The following KIFAP3 variants were observed in gnomAD, a reference collection of about 807,000 sequenced individuals.
KIFAP3 encodes the protein kinesin associated protein 3.
A neutral mutation model predicts 106.5 loss-of-function variants in KIFAP3; 68 were observed. That is an observed-to-expected ratio of 0.64 (90% CI 0.53 to 0.78). The LOEUF (loss-of-function observed/expected upper bound fraction) is 0.78. Among genes scored for constraint, KIFAP3 ranks in the 30% least tolerant of loss-of-function variants. KIFAP3 has a pLI of 0.00. For synonymous variants in KIFAP3, 320 were observed against 311.5 expected (o/e 1.03, Z -0.29); for missense variants, 780 against 941.8 (o/e 0.83, Z 2.25).
chr1:169,953,416 CAG>C (rs1041952550), intron 19 of KIFAP3, among the ~76,000 whole-genome samples: 4 of 151,982 alleles, frequency 2.6e-5, no homozygotes, highest in African/African-American at 9.7e-5. Flanking sequence ...GGAAAACACT[CAG>C]AAACAATCTG....
At chr1:170,072,324 T>C (rs1671745749) in intron 1 of KIFAP3, among the ~76,000 whole-genome samples, 1 of 152,220 alleles carries the variant, frequency 6.6e-6, no homozygotes, top group South Asian at 2.1e-4. Flanking sequence ...ACATAGCACC[T>C]ACCTTTATGA....
intron 11 of KIFAP3, among the ~76,000 whole-genome samples, chr1:169,986,691 CTA>C (rs1666844430): frequency 6.6e-6 from 1 of 151,882 alleles, no homozygotes; most frequent in Admixed American, 6.6e-5. Context: ...TAATTAATTG[CTA>C]TGTTTTCTAA....
chr1:169,976,442 T>C (rs1227738180), intron 16 of KIFAP3, among the ~76,000 whole-genome samples: 2 of 152,086 alleles, frequency 1.3e-5, no homozygotes, highest in African/African-American at 4.8e-5. Context: ...TTTTTTTTCA[T>C]TAAGCAGCTG....
chr1:170,061,315 AG>A (rs1671140562), intron 1 of KIFAP3, among the ~76,000 whole-genome samples: 1 of 138,712 alleles, frequency 7.2e-6, no homozygotes, highest in Non-Finnish European at 1.6e-5. Context: ...CAAATTTACA[AG>A]AAAAAATCAA....
chr1:170,057,735 A>G (rs1475591831), intron 1 of KIFAP3, among the ~76,000 whole-genome samples: 4 of 152,110 alleles, frequency 2.6e-5, no homozygotes, highest in Non-Finnish European at 1.5e-5. Flanking sequence ...ATTAATTTCC[A>G]AACGTTCTAC....
At chr1:169,995,196 T>C (rs898756008) in intron 10 of KIFAP3, among the ~76,000 whole-genome samples, 3 of 152,132 alleles carry the variant, frequency 2.0e-5, no homozygotes, top group Admixed American at 2.0e-4. Flanking sequence ...ATAAAGCACA[T>C]TTGCCATAGC....
At chr1:170,075,023 T>G (rs991532307), upstream of KIFAP3, among the ~76,000 whole-genome samples, 1 of 152,194 alleles carries the variant, frequency 6.6e-6, no homozygotes, top group Non-Finnish European at 1.5e-5. Context: ...CTCTAACTTA[T>G]GGAGATAATC....
intron 7 of KIFAP3, among the ~76,000 whole-genome samples, chr1:170,033,078 A>G (rs1323547935): frequency 6.6e-6 from 1 of 151,794 alleles, no homozygotes; most frequent in Admixed American, 6.6e-5. Flanking sequence ...TTGTGACTCC[A>G]GAACTGATGT....
intron 17 of KIFAP3, among the ~76,000 whole-genome samples, chr1:169,967,305 T>C (rs1665679373): frequency 6.6e-6 from 1 of 151,802 alleles, no homozygotes. Flanking sequence ...TGGACAAAAC[T>C]TTCCTTTTTT....
intron 2 of KIFAP3, 80 bp downstream of exon 2, chr1:170,055,225 C>G: frequency 7.9e-7 from 1 of 1,259,046 alleles, no homozygotes; most frequent in Non-Finnish European, 1.1e-6. Flanking sequence ...ATCACCTATG[C>G]TGATCAAAAT....
At chr1:170,012,187 C>T (rs1668275735) in intron 10 of KIFAP3, among the ~76,000 whole-genome samples, 1 of 151,916 alleles carries the variant, frequency 6.6e-6, no homozygotes, top group African/African-American at 2.4e-5. Context: ...TATAGAAATG[C>T]TGCTGGTACA....
intron 2 of KIFAP3, among the ~76,000 whole-genome samples, chr1:170,048,291 C>A (rs1035546610): frequency 3.5e-5 from 5 of 144,736 alleles, no homozygotes; most frequent in Non-Finnish European, 1.5e-5. Context: ...TTATTTCTTC[C>A]TTATTTGGGT....
chr1:169,966,374 T>C (rs16862870), intron 17 of KIFAP3, among the ~76,000 whole-genome samples: 15,771 of 151,012 alleles, frequency 0.1, 973 homozygotes, highest in Admixed American at 0.18. Context: ...ATGAATCTAC[T>C]ACATTGGCAA....
At position 169,960,573 on chromosome 1, in the gene KIFAP3, A is replaced by G. The variant is rs16862857; in HGVS notation, c.2173+473T>C. Among the ~76,000 whole-genome samples, 982 of 152,238 alleles carry G rather than the reference A, an allele frequency of 6.5e-3. 13 individuals carry two copies. The highest frequency in any genetic ancestry group is 0.022 in the African/African-American group (909 of 41,556). On this transcript the variant is annotated intron_variant, in intron 18 of 19. Coordinates refer to ENST00000361580, the MANE Select transcript of KIFAP3 (RefSeq NM_014970.4). ...TTTAGAAAGAATAAACAATTACTCT[A>G]AAGTGCCTAAATCGTCCCCAAAGTT...
intron 11 of KIFAP3, among the ~76,000 whole-genome samples, chr1:169,985,045 G>A (rs1666747087): frequency 6.6e-6 from 1 of 151,802 alleles, no homozygotes; most frequent in Admixed American, 6.6e-5. Flanking sequence ...GGAAAAAACA[G>A]TACTCTTTGA....
intron 16 of KIFAP3, among the ~76,000 whole-genome samples, chr1:169,973,696 C>T (rs1379938749): frequency 2.6e-5 from 4 of 151,692 alleles, no homozygotes; most frequent in East Asian, 1.9e-4. Flanking sequence ...AAAACATCTT[C>T]GAATTGCTGG....
chr1:170,026,225 C>T (rs746551480), intron 8 of KIFAP3, among the ~76,000 whole-genome samples: 3 of 152,086 alleles, frequency 2.0e-5, no homozygotes, highest in Non-Finnish European at 4.4e-5. Flanking sequence ...CTTTGGCCTT[C>T]CCCCATCCAG....
At chr1:169,987,792 A>G (rs1666907087) in intron 11 of KIFAP3, among the ~76,000 whole-genome samples, 1 of 152,130 alleles carries the variant, frequency 6.6e-6, no homozygotes, top group Non-Finnish European at 1.5e-5. Context: ...ATGTACTTTC[A>G]TTGGCCATTC....
rs539529807 is a variant in KIFAP3, at chr1:169,968,935, A to G, written c.1983+3578T>C. 1.3e-5 allele frequency among the ~76,000 whole-genome samples: 2 copies of G among 152,030 alleles called. 1 individual carries two copies. Among genetic ancestry groups the G allele is most frequent in the African/African-American group, 4.8e-5 (2 of 41,516 alleles). On this transcript the variant is annotated intron_variant, in intron 17 of 19. Coordinates refer to ENST00000361580, the MANE Select transcript of KIFAP3 (RefSeq NM_014970.4). ...TCTAACAAGTTGGAAAAATATCCTA[A>G]ATGTCCGCCTTTTGGTTTACGCAAT... is the stretch of plus-strand genomic sequence containing the variant.
Sources: gnomAD v4.1 joint callset for allele counts (sites outside exome capture counted in the v4.1 genomes callset) on GRCh38, gnomAD v4.1.1 for gene constraint, MANE v1.5 for transcripts, NCBI Gene and HGNC (gene_info 2026-07-23, HGNC 2026-07-21) for gene names.